OPCML: variants seen among roughly 807,000 people sequenced by gnomAD.
OPCML encodes opioid binding protein/cell adhesion molecule like, also known as opioid-binding protein/cell adhesion molecule.
In OPCML, 13 loss-of-function variants were observed where a neutral mutation model predicts 37.8. That is an observed-to-expected ratio of 0.34 (90% CI 0.22 to 0.55). The LOEUF is 0.55. Ranked by LOEUF, OPCML falls within the 20% of genes least tolerant of loss-of-function variation. The pLI is 0.91. For missense variants in OPCML, 341 were observed against 435.6 expected (o/e 0.78, Z 1.93); for synonymous variants, 176 against 168.8 (o/e 1.04, Z -0.33).
intron 4 of OPCML, among the ~76,000 whole-genome samples, chr11:132,477,458 G>C (rs1004993553): frequency 1.3e-5 from 2 of 152,228 alleles, no homozygotes; most frequent in Non-Finnish European, 2.9e-5. Flanking sequence ...CGAACTTGGA[G>C]TGAGATGCTT....
intron 1 of OPCML, among the ~76,000 whole-genome samples, chr11:133,098,462 G>A (rs1160095016): frequency 6.6e-6 from 1 of 152,004 alleles, no homozygotes; most frequent in African/African-American, 2.4e-5. Flanking sequence ...TGATCCGCTC[G>A]CCTCAGCCTC....
At chr11:132,942,010 T>C (rs974854516) in intron 2 of OPCML, among the ~76,000 whole-genome samples, 1 of 152,140 alleles carries the variant, frequency 6.6e-6, no homozygotes, top group Non-Finnish European at 1.5e-5. Flanking sequence ...ATCAAAGTCA[T>C]AGGCAGGGCA....
intron 1 of OPCML, among the ~76,000 whole-genome samples, chr11:133,426,463 G>C (rs1946004771): frequency 6.6e-6 from 1 of 152,136 alleles, no homozygotes; most frequent in African/African-American, 2.4e-5. Context: ...CCCTGTCCTA[G>C]AATCTGGGAG....
chr11:132,890,856 CAAAAAAAAA>C (rs57246769), intron 2 of OPCML, among the ~76,000 whole-genome samples: 1 of 46,478 alleles, frequency 2.2e-5, no homozygotes, highest in African/African-American at 6.5e-5. Context: ...GACTCCATCT[CAAAAAAAAA>C]AAAAAAAAGA....
intron 3 of OPCML, among the ~76,000 whole-genome samples, chr11:132,640,082 T>C (rs1280218728): frequency 6.6e-6 from 1 of 152,220 alleles, no homozygotes; most frequent in African/African-American, 2.4e-5. Flanking sequence ...ATGTTTCACC[T>C]AGAAACCTCA....
chr11:133,156,060 G>A (rs985295127), intron 1 of OPCML, among the ~76,000 whole-genome samples: 7 of 152,142 alleles, frequency 4.6e-5, no homozygotes, highest in Admixed American at 6.5e-5. Flanking sequence ...TGTCTTTGCC[G>A]TTAACGAATC....
intron 1 of OPCML, among the ~76,000 whole-genome samples, chr11:133,494,196 G>A (rs937377557): frequency 6.6e-6 from 1 of 152,088 alleles, no homozygotes; most frequent in African/African-American, 2.4e-5. Context: ...ACTTAGAATG[G>A]CGATCATTAA....
chr11:132,498,569 T>C (rs914098083), intron 4 of OPCML, among the ~76,000 whole-genome samples: 1 of 152,196 alleles, frequency 6.6e-6, no homozygotes, highest in African/African-American at 2.4e-5. Context: ...TTTGTCAAGA[T>C]TACTTGGCTT....
At chr11:133,275,139 A>T (rs1268348006) in intron 1 of OPCML, among the ~76,000 whole-genome samples, 1 of 152,178 alleles carries the variant, frequency 6.6e-6, no homozygotes, top group Non-Finnish European at 1.5e-5. Flanking sequence ...CTGGGTAAAT[A>T]TTGGGTAAAT....
intron 2 of OPCML, among the ~76,000 whole-genome samples, chr11:132,680,080 A>C (rs2135848523): frequency 6.6e-6 from 1 of 152,282 alleles, no homozygotes; most frequent in South Asian, 2.1e-4. Flanking sequence ...AGGTCTACAG[A>C]GTGCAATTTC....
chr11:133,162,562 C>T (rs1950158829), intron 1 of OPCML, among the ~76,000 whole-genome samples: 1 of 151,486 alleles, frequency 6.6e-6, no homozygotes, highest in Non-Finnish European at 1.5e-5. Flanking sequence ...ACTGCCGCTG[C>T]CGGCTTGTTT....
intron 1 of OPCML, among the ~76,000 whole-genome samples, chr11:133,271,761 G>A (rs1442153073): frequency 1.3e-5 from 2 of 152,182 alleles, no homozygotes; most frequent in African/African-American, 4.8e-5. Flanking sequence ...AAGTATGCCA[G>A]CATAAAATTG....
chr11:132,604,767 A>G (rs890176148), intron 3 of OPCML, among the ~76,000 whole-genome samples: 1 of 152,148 alleles, frequency 6.6e-6, no homozygotes, highest in African/African-American at 2.4e-5. Context: ...AGCCTTTTTA[A>G]TTAATATGAA....
At chr11:132,441,836 G>T (rs189332056) in intron 4 of OPCML, among the ~76,000 whole-genome samples, 39 of 152,318 alleles carry the variant, frequency 2.6e-4, no homozygotes, top group African/African-American at 8.2e-4. Context: ...GCATCCTTGG[G>T]GATAGGATGA....
At chr11:132,978,350 C>T (rs1946509598) in intron 1 of OPCML, among the ~76,000 whole-genome samples, 1 of 152,072 alleles carries the variant, frequency 6.6e-6, no homozygotes, top group Non-Finnish European at 1.5e-5. Context: ...TAACATAGTC[C>T]CCCTGATGTC....
rs185778205 is a variant in OPCML, at chr11:133,430,557, C to T, written c.61+101707G>A. Among the ~76,000 whole-genome samples the T allele has an allele frequency of 8.5e-5, 13 of 152,100 alleles. No homozygotes were observed. The East Asian group carries it at 9.7e-4, about 11-fold the overall frequency. The stretch of plus-strand genomic sequence containing the variant: ...ACAACAGAAAAGAAAAAAATGTACA[C>T]GTACAATTCATTGGATTGAAAAAAT... On this transcript the variant is annotated intron_variant, in intron 1 of 7. Transcript: ENST00000524381.
At chr11:133,125,193 A>C (rs550216711) in intron 1 of OPCML, among the ~76,000 whole-genome samples, 10 of 152,044 alleles carry the variant, frequency 6.6e-5, no homozygotes, top group Non-Finnish European at 1.3e-4. Flanking sequence ...CTACCCCAGG[A>C]AGTTGAGGAG....
chr11:132,952,781 C>T (rs12287207), intron 1 of OPCML, among the ~76,000 whole-genome samples: 7,020 of 152,160 alleles, frequency 0.046, 296 homozygotes, highest in Non-Finnish European at 0.061. Context: ...GCTGTGAGCG[C>T]GGTGATGCAT....
intron 3 of OPCML, among the ~76,000 whole-genome samples, chr11:132,607,637 G>A (rs1938386665): frequency 6.6e-6 from 1 of 152,184 alleles, no homozygotes; most frequent in African/African-American, 2.4e-5. Context: ...CTAGGGCATG[G>A]TTCTAGAGTC....
Sources: gnomAD v4.1 joint callset for allele counts (sites outside exome capture counted in the v4.1 genomes callset) on GRCh38, gnomAD v4.1.1 for gene constraint, MANE v1.5 for transcripts, NCBI Gene and HGNC (gene_info 2026-07-23, HGNC 2026-07-21) for gene names.